Variants in IPCEF1 observed in about 807,000 individuals in gnomAD.
IPCEF1 encodes interaction protein for cytohesin exchange factors 1.
In IPCEF1, 31 loss-of-function variants were observed where a neutral mutation model predicts 50.9. That is an observed-to-expected ratio of 0.61 (90% CI 0.46 to 0.82). IPCEF1 has a LOEUF of 0.82. Among genes scored for constraint, IPCEF1 ranks in the 40% least tolerant of loss-of-function variants. IPCEF1 has a pLI of 0.00. For missense variants in IPCEF1, 458 were observed against 514.0 expected, an observed-to-expected ratio of 0.89 and a Z score of 1.05; for synonymous variants, 181 against 192.0, an observed-to-expected ratio of 0.94 and a Z score of 0.47.
rs3045866 is a variant in IPCEF1 at position 154,290,893 on chromosome 6, C to CTTTTTTTTTTTTTTTTTTTTTTTTTT, written c.-61-1138_-61-1137insAAAAAAAAAAAAAAAAAAAAAAAAAA. The stretch of plus-strand genomic sequence containing the variant: ...AATTTTTCCAGTAGGAATATATTGC[C>CTTTTTTTTTTTTTTTTTTTTTTTTTT]TTTTTTTTTTTTTTGAGACAGAGTC... On this transcript the variant is annotated intron_variant, in intron 1 of 11. Coordinates refer to ENST00000367220, the MANE Select transcript of IPCEF1 (RefSeq NM_001130700.2). 1.0e-3 allele frequency among the ~76,000 whole-genome samples: 127 copies of CTTTTTTTTTTTTTTTTTTTTTTTTTT among 127,270 alleles called. 9 individuals are homozygous for CTTTTTTTTTTTTTTTTTTTTTTTTTT. The highest frequency in any genetic ancestry group is 3.8e-3 in the African/African-American group (120 of 31,530). 83.5% of individuals were successfully genotyped at this position (127,270 alleles called of 152,430 possible). A position where few individuals can be genotyped will look rare whatever the true frequency, so the allele number is the denominator to read the frequency against.
In IPCEF1 at chr6:154,166,245, A is replaced by G. The variant is rs1403930268; in HGVS notation, c.1104+1675T>C. On this transcript the variant is annotated intron_variant, in intron 11 of 11. Transcript: ENST00000367220. ...ACCAATGACGAGGTCACAGAGACCC[A>G]TAGGGAATGGTAACACTAATTCTTT... Among the ~76,000 whole-genome samples the G allele has an allele frequency of 5.3e-5, 8 of 152,358 alleles. No individual in the cohort carries two copies. In the East Asian group the frequency reaches 1.5e-3, roughly 29 times the overall value.
chr6:154,336,776 T>A (rs535947271), intron 1 of IPCEF1, among the ~76,000 whole-genome samples: 1 of 152,202 alleles, frequency 6.6e-6, no homozygotes, highest in Non-Finnish European at 1.5e-5. Flanking sequence ...GCTAAGTTTT[T>A]AAAAATTTTT....
intron 9 of IPCEF1, among the ~76,000 whole-genome samples, chr6:154,211,370 C>CT (rs2128604826): frequency 6.6e-6 from 1 of 151,454 alleles, no homozygotes; most frequent in South Asian, 2.1e-4. Context: ...GATTGTGCCA[C>CT]TGCACTCCAG....
chr6:154,246,829 T>G, intron 4 of IPCEF1, 69 bp from the exon 5 acceptor site: 1 of 1,484,698 alleles, frequency 6.7e-7, no homozygotes, highest in South Asian at 1.4e-5. Context: ...TTATCCTGAT[T>G]TATGTGACAG....
rs748303290 is a variant in IPCEF1, at chr6:154,168,150, C to G, written c.911-37G>C. 9.5e-6 allele frequency: 14 copies of G among 1,468,508 alleles called. No homozygotes were observed. The highest frequency in any genetic ancestry group is 1.3e-5 in the Non-Finnish European group (14 of 1,087,498). 91.0% of individuals were successfully genotyped at this position (1,468,508 alleles called of 1,614,324 possible). On this transcript the variant is annotated intron_variant, in intron 10 of 11. Coordinates refer to ENST00000367220, the MANE Select transcript of IPCEF1 (RefSeq NM_001130700.2). This position sits in a 1 kb window ranked among gnomAD's most constrained non-coding sequence, Gnocchi z 4.1. ...AAAAAAAGAAAGCAGTAACAATAAA[C>G]CCAGTGAAAAATCAAGGAGAGAACA...
At chr6:154,301,816 C>T (rs868528010) in intron 1 of IPCEF1, among the ~76,000 whole-genome samples, 13 of 151,964 alleles carry the variant, frequency 8.6e-5, no homozygotes, top group South Asian at 2.1e-4. Flanking sequence ...GGAGGTAGTA[C>T]TAATAAGTAA....
At chr6:154,301,485 G>A (rs1452451764) in intron 1 of IPCEF1, among the ~76,000 whole-genome samples, 1 of 152,160 alleles carries the variant, frequency 6.6e-6, no homozygotes, top group East Asian at 1.9e-4. Context: ...GAAAGCACTT[G>A]TTTAATCTGC....
At chr6:154,177,657 G>A (rs1459598368) in intron 10 of IPCEF1, among the ~76,000 whole-genome samples, 2 of 152,224 alleles carry the variant, frequency 1.3e-5, no homozygotes, top group Non-Finnish European at 2.9e-5. Flanking sequence ...TGGAGAGGAT[G>A]TGGAGAAATA....
chr6:154,332,219 T>G (rs1242196399), intron 1 of IPCEF1, among the ~76,000 whole-genome samples: 1 of 151,950 alleles, frequency 6.6e-6, no homozygotes, highest in Non-Finnish European at 1.5e-5. Flanking sequence ...TCAGGGATCA[T>G]GATATTTTTA....
chr6:154,298,981 A>G lies in IPCEF1; in HGVS notation c.-61-9225T>C, dbSNP rs1333904214. Among the ~76,000 whole-genome samples the G allele has an allele frequency of 3.6e-5, 5 of 139,238 alleles. 1 individual carries two copies. Among genetic ancestry groups the G allele is most frequent in the African/African-American group, 1.0e-4 (4 of 39,078 alleles). The allele number at this position is 139,238 out of a possible 152,430, so 91.3% of individuals were successfully genotyped here. A position where few individuals can be genotyped will look rare whatever the true frequency, so the allele number is the denominator to read the frequency against. On this transcript the variant is annotated intron_variant, in intron 1 of 11. Coordinates refer to ENST00000367220, the MANE Select transcript of IPCEF1 (RefSeq NM_001130700.2). ...CCATCTCAAAAAAAAAAAAAAGATT[A>G]CCAATATTAGCATTGTGCACATGCA...
chr6:154,275,625 TG>T (rs943844447), intron 2 of IPCEF1, among the ~76,000 whole-genome samples: 2 of 152,224 alleles, frequency 1.3e-5, no homozygotes, highest in African/African-American at 4.8e-5. Context: ...TTCTACTTGG[TG>T]AAATTCAGAC....
chr6:154,231,930 C>T (rs982533906), intron 5 of IPCEF1, among the ~76,000 whole-genome samples: 1 of 152,170 alleles, frequency 6.6e-6, no homozygotes, highest in African/African-American at 2.4e-5. Flanking sequence ...TAGCCCCACA[C>T]AAATAATCAT....
intron 7 of IPCEF1, among the ~76,000 whole-genome samples, chr6:154,216,729 G>T (rs767011904): frequency 1.2e-4 from 19 of 152,144 alleles, no homozygotes; most frequent in African/African-American, 4.3e-4. Flanking sequence ...TTAGCCAGGC[G>T]TGGTGGCACA....
At chr6:154,217,783 C>CA (rs1190208829) in intron 7 of IPCEF1, among the ~76,000 whole-genome samples, 4 of 151,944 alleles carry the variant, frequency 2.6e-5, no homozygotes, top group African/African-American at 4.8e-5. Context: ...TATTCTCCCT[C>CA]AAAAAAGCAT....
intron 7 of IPCEF1, 54 bp from the exon 8 acceptor site, chr6:154,214,330 T>C (rs1778211076): frequency 4.4e-6 from 5 of 1,129,990 alleles, no homozygotes; most frequent in Non-Finnish European, 6.7e-6. Flanking sequence ...CCCCCACCCA[T>C]TCACCTTCCC....
At chr6:154,252,045 T>C (rs1372332548) in intron 3 of IPCEF1, among the ~76,000 whole-genome samples, 1 of 152,202 alleles carries the variant, frequency 6.6e-6, no homozygotes, top group East Asian at 1.9e-4. Context: ...GTGGAAATAC[T>C]TGGTATACAG....
chr6:154,321,133 G>A (rs1783363674), intron 1 of IPCEF1, among the ~76,000 whole-genome samples: 1 of 151,606 alleles, frequency 6.6e-6, no homozygotes, highest in Non-Finnish European at 1.5e-5. Flanking sequence ...GTTTCTCTGT[G>A]TTGCCCAGGC....
intron 11 of IPCEF1, among the ~76,000 whole-genome samples, chr6:154,167,190 G>A (rs772022502): frequency 6.6e-6 from 1 of 152,196 alleles, no homozygotes; most frequent in Non-Finnish European, 1.5e-5. Context: ...TGCTAAATCA[G>A]GAGCATTTTA....
chr6:154,253,860 C>G (rs1485844760), intron 3 of IPCEF1, among the ~76,000 whole-genome samples: 1 of 152,092 alleles, frequency 6.6e-6, no homozygotes, highest in Non-Finnish European at 1.5e-5. Flanking sequence ...TTAATGTCTG[C>G]TCTTAACTTA....
Sources: gnomAD v4.1 joint callset for allele counts (sites outside exome capture counted in the v4.1 genomes callset) on GRCh38, gnomAD v4.1.1 for gene constraint, Gnocchi (gnomAD v3.1) non-coding constraint, MANE v1.5 for transcripts, NCBI Gene and HGNC (gene_info 2026-07-23, HGNC 2026-07-21) for gene names.